The following CHD7 variants were observed in gnomAD, a reference collection of about 807,000 sequenced individuals.
The protein encoded by CHD7 is ATP-dependent chromatin remodeler CHD7.
A neutral mutation model predicts 307.3 loss-of-function variants in CHD7; 24 were observed. The observed-to-expected ratio is 0.08, with a 90% CI of 0.06 to 0.11. The LOEUF (loss-of-function observed/expected upper bound fraction) is 0.11. Ranked by LOEUF, CHD7 falls within the 10% of genes least tolerant of loss-of-function variation. The probability of loss-of-function intolerance (pLI) is 1.00; values close to 1 mark genes in which losing one functional copy is unlikely to be tolerated. For missense variants in CHD7, 3,106 were observed against 3,727.1 expected, an observed-to-expected ratio of 0.83 and a Z score of 4.34; for synonymous variants, 1,363 against 1,349.9, an observed-to-expected ratio of 1.01 and a Z score of -0.21.
At chr8:60,801,382 C>G (rs557163320) in intron 5 of CHD7, 146 bp from the exon 6 acceptor site, 3 of 600,020 alleles carry the variant, frequency 5.0e-6, no homozygotes, top group South Asian at 4.6e-5. Context: ...GATTTTTGTT[C>G]CTTTCAATCG....
chr8:60,810,148 C>G (rs1343483572), intron 7 of CHD7, among the ~76,000 whole-genome samples: 2 of 152,128 alleles, frequency 1.3e-5, no homozygotes, highest in Admixed American at 1.3e-4. Context: ...TGCCTTGTCC[C>G]CATTTTTCTT....
intron 15 of CHD7, among the ~76,000 whole-genome samples, chr8:60,832,010 T>A (rs551561847): frequency 2.2e-4 from 34 of 151,916 alleles, no homozygotes; most frequent in African/African-American, 7.0e-4. Context: ...AATTTCTTTT[T>A]TATATATATA....
chr8:60,781,522 G>A, intron 3 of CHD7, 92 bp downstream of exon 3: 1 of 1,412,322 alleles, frequency 7.1e-7, no homozygotes, highest in South Asian at 1.7e-5. Context: ...GGGGTGGGAG[G>A]GGACACAATG....
intron 4 of CHD7, among the ~76,000 whole-genome samples, chr8:60,797,629 G>A (rs1307275073): frequency 6.6e-6 from 1 of 152,198 alleles, no homozygotes; most frequent in East Asian, 1.9e-4. Context: ...ATCACTAGGA[G>A]CACATTGCTT....
At chr8:60,838,697 C>T (rs1447106484) in intron 19 of CHD7, among the ~76,000 whole-genome samples, 3 of 152,202 alleles carry the variant, frequency 2.0e-5, no homozygotes, top group East Asian at 1.9e-4. Flanking sequence ...TCCACACAAA[C>T]GTAATCTACT....
intron 1 of CHD7, among the ~76,000 whole-genome samples, chr8:60,714,406 G>C (rs1807460627): frequency 5.7e-5 from 1 of 17,622 alleles, no homozygotes; most frequent in Non-Finnish European, 1.2e-4. Flanking sequence ...CCGGGAGAAG[G>C]CCCCCCCCCC....
chr8:60,744,681 C>T (rs964510497), intron 2 of CHD7, among the ~76,000 whole-genome samples: 7 of 151,412 alleles, frequency 4.6e-5, no homozygotes, highest in African/African-American at 1.5e-4. Context: ...GGTGAAACCC[C>T]GTCTCTATTA....
chr8:60,853,860 A>T (rs1301640643), intron 31 of CHD7, among the ~76,000 whole-genome samples: 2 of 152,242 alleles, frequency 1.3e-5, no homozygotes, highest in East Asian at 3.8e-4. Flanking sequence ...ATTGTTAATC[A>T]TTTTGAAACA....
intron 23 of CHD7, among the ~76,000 whole-genome samples, chr8:60,845,620 T>C (rs1315825922): frequency 6.6e-6 from 1 of 152,224 alleles, no homozygotes; most frequent in Non-Finnish European, 1.5e-5. Context: ...TATTAAGACT[T>C]TTAAATGGTA....
At chr8:60,822,796 G>T (rs1046232209) in intron 12 of CHD7, 50 bp downstream of exon 12, 1 of 1,435,434 alleles carries the variant, frequency 7.0e-7, no homozygotes, top group Non-Finnish European at 9.2e-7. Flanking sequence ...GCATTTTAAG[G>T]TGTTAAAAAA....
chr8:60,757,462 A>G (rs1203700193), intron 2 of CHD7, among the ~76,000 whole-genome samples: 1 of 152,210 alleles, frequency 6.6e-6, no homozygotes, highest in East Asian at 1.9e-4. Context: ...GTTTGTCTTC[A>G]TGACAATTAT....
At chr8:60,825,162 C>T (rs963373969) in intron 13 of CHD7, 2 of 152,072 alleles carry the variant, frequency 1.3e-5, no homozygotes, top group Non-Finnish European at 2.9e-5. Flanking sequence ...TATTCATGGC[C>T]ATATGTTTTT....
At chr8:60,779,063 C>G (rs901452569) in intron 2 of CHD7, among the ~76,000 whole-genome samples, 1 of 152,148 alleles carries the variant, frequency 6.6e-6, no homozygotes, top group Non-Finnish European at 1.5e-5. Context: ...ACTCTTTTTT[C>G]AGCCTCATTC....
intron 35 of CHD7, 114 bp downstream of exon 35, chr8:60,861,239 C>A: frequency 1.3e-6 from 1 of 768,540 alleles, no homozygotes; most frequent in Non-Finnish European, 2.1e-6. Context: ...TTGAATGTTT[C>A]CTGGTCTCAA....
intron 2 of CHD7, among the ~76,000 whole-genome samples, chr8:60,755,256 G>A (rs1488486644): frequency 6.6e-6 from 1 of 152,086 alleles, no homozygotes; most frequent in Non-Finnish European, 1.5e-5. Flanking sequence ...TAAGAAGGCA[G>A]TTCACATTTT....
At position 60,856,868 on chromosome 8, in the gene CHD7, A is replaced by G; in HGVS notation, c.7588A>G (p.Lys2530Glu). Residue 2530 changes from lysine to glutamate, a missense_variant, in exon 34 of 38, where the codon AAA becomes GAA. Transcript: ENST00000423902. ...ACTTGATCTGCTTTTCATGAGCCAC[A>G]AACGGACGTCATTGAGTGCAGTAAG... ...EGLDLLFMSH[K>E]RTSLSAEDAE... The G allele has an allele frequency of 5.8e-6, 9 of 1,556,508 alleles. No individual in the cohort carries two copies. Among genetic ancestry groups the G allele is most frequent in the Non-Finnish European group, 7.8e-6 (9 of 1,153,608 alleles).
At chr8:60,861,959 G>T (rs780112286) in intron 35 of CHD7, 4 of 308,166 alleles carry the variant, frequency 1.3e-5, no homozygotes, top group Admixed American at 4.7e-5. Flanking sequence ...AACTTTAAGT[G>T]AGGTTATTGA....
At chr8:60,834,115 T>C (rs949709434) in intron 15 of CHD7, among the ~76,000 whole-genome samples, 8 of 152,248 alleles carry the variant, frequency 5.3e-5, no homozygotes, top group African/African-American at 1.9e-4. Flanking sequence ...AAAAATTATT[T>C]TTTTAATCTC....
chr8:60,682,965 TCAC>T (rs1184622147), intron 1 of CHD7, among the ~76,000 whole-genome samples: 1 of 152,168 alleles, frequency 6.6e-6, no homozygotes, highest in African/African-American at 2.4e-5. Flanking sequence ...ATAGCTAAAA[TCAC>T]CAAAAAGGAT....
Sources: allele counts gnomAD v4.1 joint callset (sites outside exome capture counted in the v4.1 genomes callset), GRCh38; gene constraint gnomAD v4.1.1; transcripts MANE v1.5; gene names NCBI Gene and HGNC (gene_info 2026-07-23, HGNC 2026-07-21).